The following LANCL2 variants were observed in gnomAD, a reference collection of about 807,000 sequenced individuals.
LANCL2 encodes the protein LanC like glutathione S-transferase 2.
LANCL2 carries 33 observed loss-of-function variants against 56.9 expected under a neutral mutation model. The observed-to-expected ratio is 0.58, with a 90% CI of 0.44 to 0.78. LANCL2 has a LOEUF of 0.78. Ranked by LOEUF, LANCL2 falls within the 30% of genes least tolerant of loss-of-function variation. The probability of loss-of-function intolerance (pLI) is 0.00; values close to 1 mark genes in which losing one functional copy is unlikely to be tolerated. For missense variants in LANCL2, 562 were observed against 580.2 expected, an observed-to-expected ratio of 0.97 and a Z score of 0.32; for synonymous variants, 233 against 228.2, an observed-to-expected ratio of 1.02 and a Z score of -0.19.
At chr7:55,398,754 G>C in intron 3 of LANCL2, 124 bp downstream of exon 3, 1 of 744,468 alleles carries the variant, frequency 1.3e-6, no homozygotes, top group Non-Finnish European at 2.3e-6. Context: ...ACTCCAAAAT[G>C]TTAATCTTGA....
rs1491393087 is a variant in LANCL2 at position 55,415,003 on chromosome 7, A to AG, written c.1008+2914_1008+2915insG. Among the ~76,000 whole-genome samples, 671 of 76,274 alleles carry AG rather than the reference A, an allele frequency of 8.8e-3. 14 individuals are homozygous for AG. Among genetic ancestry groups the AG allele is most frequent in the African/African-American group, 0.028 (627 of 22,780 alleles). The allele number at this position is 76,274 out of a possible 152,430, so 50.0% of individuals were successfully genotyped here. On this transcript the variant is annotated intron_variant, in intron 6 of 8. Transcript: ENST00000254770. ...TACCTCAAAAAAAAAAAAAAAAAAG[A>AG]AAAGAAAAGAAAAAGGCAAGGTTTT...
intron 4 of LANCL2, 113 bp from the exon 5 acceptor site, chr7:55,401,061 A>T: frequency 1.4e-6 from 1 of 703,064 alleles, no homozygotes; most frequent in Middle Eastern, 2.8e-4. Flanking sequence ...CTTTTAGATT[A>T]AGGCTTCTGC....
intron 3 of LANCL2, 147 bp downstream of exon 3, chr7:55,398,777 G>A: frequency 3.1e-6 from 2 of 648,202 alleles, no homozygotes; most frequent in Non-Finnish European, 2.7e-6. Context: ...ATAGTGGTGG[G>A]ATCATATGCC....
chr7:55,370,950 T>C (rs1443859109), intron 1 of LANCL2, among the ~76,000 whole-genome samples: 1 of 152,238 alleles, frequency 6.6e-6, no homozygotes, highest in Non-Finnish European at 1.5e-5. Context: ...GTGATACATA[T>C]AGGTAGTAAA....
Position 55,391,922 on chromosome 7 carries a change from G to A in LANCL2, c.322+12G>A, listed in dbSNP as rs772102014. Reference sequence around the variant, plus strand: ...TACTGGCTGGACAGGTGAGGCTGTGGGGTCTAAATCACTGATACATTTTAT... The same window carrying A: ...TACTGGCTGGACAGGTGAGGCTGTGAGGTCTAAATCACTGATACATTTTAT... On this transcript the variant is annotated intron_variant, in intron 2 of 8. Transcript: ENST00000254770. The A allele has an allele frequency of 7.3e-7, 1 of 1,362,776 alleles. No homozygotes were observed. Among genetic ancestry groups the A allele is most frequent in the Non-Finnish European group, 1.0e-6 (1 of 954,216 alleles). 84.4% of individuals were successfully genotyped at this position (1,362,776 alleles called of 1,614,324 possible).
chr7:55,431,463 G>C lies in LANCL2; in HGVS notation c.*143G>C. On this transcript the variant is annotated 3_prime_UTR_variant, in exon 9 of 9. Transcript: ENST00000254770. ...TCTGGTTAGACTAGCATGAGTGACC[G>C]AAGCCATCCATCAACATTTTCTAAC... is the stretch of plus-strand genomic sequence containing the variant. The C allele has an allele frequency of 1.8e-6, 1 of 554,162 alleles. No homozygotes were observed. The highest frequency in any genetic ancestry group is 2.6e-5 in the South Asian group (1 of 38,462). The allele number at this position is 554,162 out of a possible 1,614,324, so 34.3% of individuals were successfully genotyped here. A position where few individuals can be genotyped will look rare whatever the true frequency, so the allele number is the denominator to read the frequency against.
chr7:55,417,898 T>A (rs1035728704), intron 6 of LANCL2, among the ~76,000 whole-genome samples: 7 of 152,250 alleles, frequency 4.6e-5, no homozygotes, highest in Middle Eastern at 3.4e-3. Flanking sequence ...CAGGCTGGTC[T>A]CAAACTCCTG....
chr7:55,397,352 T>G (rs1019966830), intron 2 of LANCL2: 2 of 150,812 alleles, frequency 1.3e-5, no homozygotes, highest in Non-Finnish European at 2.9e-5. Flanking sequence ...TCCCAGCTAC[T>G]CAGGAGGCTG....
At chr7:55,403,602 C>T (rs1226922017) in intron 5 of LANCL2, among the ~76,000 whole-genome samples, 4 of 125,420 alleles carry the variant, frequency 3.2e-5, no homozygotes, top group Non-Finnish European at 6.4e-5. Context: ...GACAGAGTCT[C>T]ACTCTGTCGC....
At position 55,412,083 on chromosome 7, in the gene LANCL2, G is replaced by T; in HGVS notation, c.1002G>T (p.Ala334=). ...APGVIHMLMQ[A]YKVFKEEKYL... ...GGGTCATCCACATGCTCATGCAGGC[G>T]TACAAGGTCAGTGCTTCCGCCGTCA... Residue 334 remains alanine, a synonymous_variant, in exon 6 of 9, where the codon GCG becomes GCT. Transcript: ENST00000254770. 1 of 1,612,636 alleles carries T rather than the reference G, an allele frequency of 6.2e-7. No homozygotes were observed. Among genetic ancestry groups the T allele is most frequent in the Non-Finnish European group, 8.5e-7 (1 of 1,178,934 alleles).
intron 4 of LANCL2, 75 bp downstream of exon 4, chr7:55,400,179 G>T: frequency 8.0e-7 from 1 of 1,255,674 alleles, no homozygotes; most frequent in Non-Finnish European, 1.1e-6. Context: ...TGTATTAACA[G>T]CTGGACTTTA....
intron 5 of LANCL2, among the ~76,000 whole-genome samples, chr7:55,409,756 T>C (rs1344322422): frequency 6.6e-6 from 1 of 152,222 alleles, no homozygotes; most frequent in Non-Finnish European, 1.5e-5. Context: ...GAAAATCTTA[T>C]CGAGAGACTT....
chr7:55,425,102 G>A (rs764501605), intron 6 of LANCL2, 152 bp from the exon 7 acceptor site: 228 of 691,306 alleles, frequency 3.3e-4, no homozygotes, highest in Non-Finnish European at 4.9e-4. Flanking sequence ...CTGTGTTGCT[G>A]GTGTTTTTTT....
chr7:55,409,311 C>G (rs934580982), intron 5 of LANCL2, among the ~76,000 whole-genome samples: 8 of 151,790 alleles, frequency 5.3e-5, no homozygotes, highest in Non-Finnish European at 1.2e-4. Context: ...CCAGGACGGT[C>G]TCGATCTGAC....
intron 5 of LANCL2, among the ~76,000 whole-genome samples, chr7:55,410,828 T>C (rs551445936): frequency 6.6e-6 from 1 of 152,324 alleles, no homozygotes; most frequent in East Asian, 1.9e-4. Flanking sequence ...CCTAAAGACA[T>C]TGTGTGGCAT....
intron 1 of LANCL2, among the ~76,000 whole-genome samples, chr7:55,380,053 A>G (rs1362544949): frequency 6.6e-6 from 1 of 152,240 alleles, no homozygotes; most frequent in Non-Finnish European, 1.5e-5. Context: ...AGTAGGAATT[A>G]TCGTAATTTA....
rs1254971004 is a variant in LANCL2, at chr7:55,365,960, G to A, written c.-66G>A. On this transcript the variant is annotated 5_prime_UTR_variant, in exon 1 of 9. Transcript: ENST00000254770. ...TGCGCGGGCCCTCGGAGGAGGCGGC[G>A]GCGGGGCGAGCTGCAGCGCCGGGAC... 4.7e-6 allele frequency: 6 copies of A among 1,268,852 alleles called. No individual in the cohort carries two copies. The highest frequency in any genetic ancestry group is 3.5e-5 in the South Asian group (2 of 57,304). The allele number at this position is 1,268,852 out of a possible 1,614,324, so 78.6% of individuals were successfully genotyped here. A position where few individuals can be genotyped will look rare whatever the true frequency, so the allele number is the denominator to read the frequency against.
At position 55,431,716 on chromosome 7, in the gene LANCL2, G is replaced by A. The variant is rs1583770414; in HGVS notation, c.*396G>A. ...CATATTGACAAATGAGGGAACAGGT[G>A]GTGTCTATCTTGTATATCAGAAAGA... On this transcript the variant is annotated 3_prime_UTR_variant, in exon 9 of 9. Coordinates refer to ENST00000254770, the MANE Select transcript of LANCL2 (RefSeq NM_018697.4). 2 of 163,912 alleles carry A rather than the reference G, an allele frequency of 1.2e-5. No individual in the cohort carries two copies. The highest frequency in any genetic ancestry group is 2.6e-5 in the Non-Finnish European group (2 of 75,558). 10.2% of individuals were successfully genotyped at this position (163,912 alleles called of 1,614,324 possible). A position where few individuals can be genotyped will look rare whatever the true frequency, so the allele number is the denominator to read the frequency against.
intron 5 of LANCL2, 98 bp downstream of exon 5, chr7:55,401,418 C>T (rs1346431443): frequency 2.8e-6 from 3 of 1,053,742 alleles, no homozygotes; most frequent in East Asian, 5.1e-5. Context: ...ATTGAAATAC[C>T]CTACTTTGAA....
Sources: allele counts gnomAD v4.1 joint callset (sites outside exome capture counted in the v4.1 genomes callset), GRCh38; gene constraint gnomAD v4.1.1; transcripts MANE v1.5; gene names NCBI Gene and HGNC (gene_info 2026-07-23, HGNC 2026-07-21).